The following ZDHHC14 variants were observed in gnomAD, a reference collection of about 807,000 sequenced individuals.
ZDHHC14 encodes the protein palmitoyltransferase ZDHHC14.
Under a neutral mutation model 47.7 loss-of-function variants are expected in ZDHHC14, and 16 were observed. That is an observed-to-expected ratio of 0.34 (90% CI 0.23 to 0.51). The LOEUF is 0.51. ZDHHC14 is among the 20% of genes least tolerant of loss of function. ZDHHC14 has a pLI of 0.97. For missense variants in ZDHHC14, 515 were observed against 662.5 expected (o/e 0.78, Z 2.44); for synonymous variants, 293 against 278.9 (o/e 1.05, Z -0.50).
chr6:157,446,335 A>G (rs1296014828), intron 1 of ZDHHC14, among the ~76,000 whole-genome samples: 1 of 151,746 alleles, frequency 6.6e-6, no homozygotes, highest in Non-Finnish European at 1.5e-5. Context: ...ACCTAGCTCA[A>G]TTTCCTCATC....
intron 5 of ZDHHC14, among the ~76,000 whole-genome samples, chr6:157,642,917 CAG>C (rs1777327860): frequency 6.6e-6 from 1 of 152,202 alleles, no homozygotes; most frequent in African/African-American, 2.4e-5. Flanking sequence ...CCTGGAGAAG[CAG>C]GGGGTTGGGG....
rs148253692 is a variant in ZDHHC14 at position 157,624,750 on chromosome 6, A to G, written c.566-3599A>G. 6.1e-3 allele frequency among the ~76,000 whole-genome samples: 936 copies of G among 152,352 alleles called. 12 individuals are homozygous for G. Among genetic ancestry groups the G allele is most frequent in the African/African-American group, 0.022 (895 of 41,584 alleles). On this transcript the variant is annotated intron_variant, in intron 3 of 8. Transcript: ENST00000359775. ...CTTTTGATAAGATGAGAGTGTATTC[A>G]GTTACTTGACAAATGTGTGTTAGGC...
intron 1 of ZDHHC14, among the ~76,000 whole-genome samples, chr6:157,488,255 TC>T (rs1233857527): frequency 1.3e-5 from 2 of 152,202 alleles, no homozygotes; most frequent in African/African-American, 4.8e-5. Context: ...AAATGGCTGA[TC>T]TTCTCTACTC....
chr6:157,577,844 G>A (rs2114868036), intron 2 of ZDHHC14, among the ~76,000 whole-genome samples: 1 of 152,260 alleles, frequency 6.6e-6, no homozygotes, highest in Non-Finnish European at 1.5e-5. Context: ...AGCCACAGCA[G>A]CCAGCCTGCA....
At chr6:157,504,424 A>G (rs1199784029) in intron 1 of ZDHHC14, among the ~76,000 whole-genome samples, 1 of 148,524 alleles carries the variant, frequency 6.7e-6, no homozygotes, top group African/African-American at 2.5e-5. Context: ...CTGGGATTAC[A>G]GGCGTGAGCC....
At position 157,632,901 on chromosome 6, in the gene ZDHHC14, C is replaced by G; in HGVS notation, c.752+19C>G. ...CTGCAAGATATCCTTTGTGATGATT[C>G]TGTTTTCACGATGCTAATGTGTTGA... On this transcript the variant is annotated intron_variant, in intron 5 of 8. Transcript: ENST00000359775. 6.2e-7 allele frequency: 1 copy of G among 1,613,720 alleles called. No individual in the cohort carries two copies. Among genetic ancestry groups the G allele is most frequent in the Non-Finnish European group, 8.5e-7 (1 of 1,179,620 alleles).
intron 1 of ZDHHC14, among the ~76,000 whole-genome samples, chr6:157,412,270 A>G (rs1777885696): frequency 6.8e-6 from 1 of 146,880 alleles, no homozygotes; most frequent in African/African-American, 2.5e-5. Context: ...ATAGCTAGTA[A>G]TAGAATGGAG....
Position 157,651,530 on chromosome 6 carries a change from T to C in ZDHHC14, c.966-1995T>C, listed in dbSNP as rs367544211. Among the ~76,000 whole-genome samples, 93 of 152,026 alleles carry C rather than the reference T, an allele frequency of 6.1e-4. 1 individual carries two copies. Among genetic ancestry groups the C allele is most frequent in the African/African-American group, 2.2e-3 (91 of 41,472 alleles). ...TCGCAGGTACCAGGTTAAGACTTCA[T>C]ATCTTTCTGCACAGTTCAACCCGTG... On this transcript the variant is annotated intron_variant, in intron 7 of 8. Coordinates refer to ENST00000359775, the MANE Select transcript of ZDHHC14 (RefSeq NM_024630.3).
intron 1 of ZDHHC14, among the ~76,000 whole-genome samples, chr6:157,449,910 C>A (rs1395081621): frequency 2.0e-5 from 3 of 152,124 alleles, no homozygotes; most frequent in Non-Finnish European, 2.9e-5. Flanking sequence ...CCTTTCTAAC[C>A]ATGTGAACTT....
chr6:157,625,773 G>A (rs949770050), intron 3 of ZDHHC14, among the ~76,000 whole-genome samples: 2 of 151,992 alleles, frequency 1.3e-5, no homozygotes, highest in East Asian at 1.9e-4. Flanking sequence ...ATAATTTCTC[G>A]GTGAGCCTAG....
rs558541034 is a variant in ZDHHC14, at chr6:157,502,691, TTTTG to T, written c.246-39882_246-39879del. Among the ~76,000 whole-genome samples, 320 of 152,196 alleles carry T rather than the reference TTTTG, an allele frequency of 2.1e-3. 1 individual carries two copies. The highest frequency in any genetic ancestry group is 7.2e-3 in the African/African-American group (297 of 41,524). ...TTGTGTTTGTTTTTGTTTTGTTTTGTTTTGTTTGTTTGTTTTTTAGACAGGGTCT... is the reference window on the plus strand; with the variant it reads ...TTGTGTTTGTTTTTGTTTTGTTTTGTTTTGTTTGTTTTTTAGACAGGGTCT... On this transcript the variant is annotated intron_variant, in intron 1 of 8. Transcript: ENST00000359775. The surrounding 1 kb of genome is among the most constrained non-coding windows in gnomAD (Gnocchi z 4.0).
intron 1 of ZDHHC14, among the ~76,000 whole-genome samples, chr6:157,478,154 T>C (rs765783998): frequency 6.6e-6 from 1 of 152,248 alleles, no homozygotes; most frequent in Non-Finnish European, 1.5e-5. Flanking sequence ...TGGCAAACTT[T>C]GCATTAAACA....
At chr6:157,408,391 A>G (rs1023461659) in intron 1 of ZDHHC14, among the ~76,000 whole-genome samples, 1 of 152,100 alleles carries the variant, frequency 6.6e-6, no homozygotes, top group African/African-American at 2.4e-5. Flanking sequence ...TGCTGGACAG[A>G]TCAACCCATC....
At chr6:157,619,990 G>T (rs4709444) in intron 3 of ZDHHC14, among the ~76,000 whole-genome samples, 54,375 of 152,046 alleles carry the variant, frequency 0.36, 10,708 homozygotes, top group East Asian at 0.86. Context: ...CAATTAAGCA[G>T]ATAGGACTTA....
intron 1 of ZDHHC14, among the ~76,000 whole-genome samples, chr6:157,392,882 T>C (rs1777445964): frequency 1.3e-5 from 2 of 152,134 alleles, no homozygotes; most frequent in South Asian, 4.2e-4. Context: ...TTTTTTTTAA[T>C]TATTTTTTTT....
In ZDHHC14 at chr6:157,467,460, A is replaced by G. The variant is rs574350501; in HGVS notation, c.246-75125A>G. ...TTGTGCCTGGCTTCTCTCACTCAGC[A>G]TAGTGTGTTCAGGGTTTATCCATGT... On this transcript the variant is annotated intron_variant, in intron 1 of 8. Transcript: ENST00000359775. Among the ~76,000 whole-genome samples the G allele has an allele frequency of 2.6e-5, 4 of 152,146 alleles. No individual in the cohort carries two copies. The East Asian group carries it at 7.7e-4, about 29-fold the overall frequency.
intron 1 of ZDHHC14, among the ~76,000 whole-genome samples, chr6:157,432,640 G>T (rs1778361828): frequency 6.6e-6 from 1 of 152,198 alleles, no homozygotes; most frequent in South Asian, 2.1e-4. Context: ...CTTCCTGCGT[G>T]AGAGAATGAA....
chr6:157,643,650 A>ATATAT (rs1777364584), intron 5 of ZDHHC14, among the ~76,000 whole-genome samples: 1 of 72,522 alleles, frequency 1.4e-5, no homozygotes, highest in Non-Finnish European at 3.0e-5. Flanking sequence ...CTTCATCTCA[A>ATATAT]ATATATATAT....
At chr6:157,651,807 G>A (rs899735673) in intron 7 of ZDHHC14, among the ~76,000 whole-genome samples, 22 of 151,958 alleles carry the variant, frequency 1.4e-4, no homozygotes, top group African/African-American at 4.1e-4. Flanking sequence ...CCTGACCTCC[G>A]GTGATCTGCC....
Sources: allele counts gnomAD v4.1 joint callset (sites outside exome capture counted in the v4.1 genomes callset), GRCh38; gene constraint gnomAD v4.1.1; non-coding constraint Gnocchi (gnomAD v3.1); transcripts MANE v1.5; gene names NCBI Gene and HGNC (gene_info 2026-07-23, HGNC 2026-07-21).